Variants in SFRP4 observed in about 807,000 individuals in gnomAD.
SFRP4 encodes the protein secreted frizzled-related protein 4.
In SFRP4, 25 loss-of-function variants were observed where a neutral mutation model predicts 36.3. The ratio of observed to expected loss-of-function variants is 0.69; its 90% CI spans 0.50 to 0.96. The LOEUF is 0.96. Ranked by LOEUF, SFRP4 falls within the 40% of genes least tolerant of loss-of-function variation. The pLI, the probability that SFRP4 is intolerant of heterozygous loss-of-function variation, is 0.00. For synonymous variants in SFRP4, 182 were observed against 168.8 expected (o/e 1.08, Z -0.60); for missense variants, 487 against 459.6 (o/e 1.06, Z -0.54).
intron 3 of SFRP4, among the ~76,000 whole-genome samples, 193 bp downstream of exon 3, chr7:37,914,020 A>T (rs182992198): frequency 2.8e-4 from 43 of 152,370 alleles, no homozygotes; most frequent in Admixed American, 2.6e-3. Flanking sequence ...CACTTGATTC[A>T]TCCAGAAAAG....
At chr7:37,915,407 A>G (rs1785558161) in intron 1 of SFRP4, among the ~76,000 whole-genome samples, 1 of 152,222 alleles carries the variant, frequency 6.6e-6, no homozygotes, top group Admixed American at 6.5e-5. Flanking sequence ...GGCCAGATAA[A>G]GCCTGGATAA....
Position 37,912,262 on chromosome 7 carries a change from C to T in SFRP4, c.648G>A (p.Thr216=), listed in dbSNP as rs550782105. Residue 216 remains threonine (T), a synonymous_variant, in exon 4 of 6, where the codon ACG becomes ACA. Transcript: ENST00000436072. ...TGAAGATCTCTTTTACATCCACCAC[C>T]GTTGTGACCTCATTGCAGCCACTCC... ...VQRSGCNEVT[T]VVDVKEIFKS... 7.4e-6 allele frequency: 12 copies of T among 1,614,122 alleles called. No individual in the cohort carries two copies. Among genetic ancestry groups the T allele is most frequent in the South Asian group, 3.3e-5 (3 of 91,080 alleles).
chr7:37,912,356 T>A (rs1294429924), intron 3 of SFRP4, 39 bp from the exon 4 acceptor site: 1 of 1,565,636 alleles, frequency 6.4e-7, no homozygotes. Flanking sequence ...GTTGAAGGTT[T>A]TGGGGAAAAA....
At chr7:37,913,595 A>G (rs552514397) in intron 3 of SFRP4, among the ~76,000 whole-genome samples, 21 of 152,374 alleles carry the variant, frequency 1.4e-4, no homozygotes, top group Middle Eastern at 6.8e-3. Context: ...TACTTAAAAC[A>G]TTTCAAATTT....
At position 37,916,504 on chromosome 7, in the gene SFRP4, A is replaced by G; in HGVS notation, c.34T>C (p.Trp12Arg). 1 of 1,611,686 alleles carries G rather than the reference A, an allele frequency of 6.2e-7. No homozygotes were observed. Among genetic ancestry groups the G allele is most frequent in the East Asian group, 2.2e-5 (1 of 44,854 alleles). ...CGCACGCCCAGCGCCAGGTGCAGCC[A>G]CAGGCACAGCGCCACTAGGATGGAG... ...FLSILVALCL[W>R]LHLALGVRGA... The change falls in exon 1 of 6, where the codon TGG (tryptophan) becomes CGG (arginine). Residue 12 changes from tryptophan (W) to arginine (R), a missense_variant. Physicochemically the swap from Trp to Arg is moderately radical, Grantham distance 101. Coordinates refer to ENST00000436072, the MANE Select transcript of SFRP4 (RefSeq NM_003014.4). The surrounding 1 kb of genome is among the most constrained non-coding windows in gnomAD (Gnocchi z 4.1).
chr7:37,915,104 T>A (rs1785552396), intron 1 of SFRP4, among the ~76,000 whole-genome samples: 1 of 152,234 alleles, frequency 6.6e-6, no homozygotes, highest in African/African-American at 2.4e-5. Context: ...TTTTCCAAGT[T>A]AACAGTTTAT....
intron 4 of SFRP4, among the ~76,000 whole-genome samples, chr7:37,910,036 G>A (rs909715965): frequency 9.2e-5 from 14 of 151,720 alleles, no homozygotes; most frequent in Non-Finnish European, 1.8e-4. Flanking sequence ...TTCCCCTTTT[G>A]CTTAGCTATG....
At position 37,906,817 on chromosome 7, in the gene SFRP4, T is replaced by C. The variant is rs1785402429; in HGVS notation, c.*662A>G. 6.6e-6 allele frequency: 1 copy of C among 152,242 alleles called. No individual in the cohort carries two copies. The highest frequency in any genetic ancestry group is 6.5e-5 in the Admixed American group (1 of 15,290). The allele number at this position is 152,242 out of a possible 1,614,324, so 9.4% of individuals were successfully genotyped here. A position where few individuals can be genotyped will look rare whatever the true frequency, so the allele number is the denominator to read the frequency against. The stretch of plus-strand genomic sequence containing the variant: ...ACATTGTCTGCCTCTCCTTTTTATT[T>C]ATTTTTCTTTATTATTATTTTTGTT... On this transcript the variant is annotated 3_prime_UTR_variant, in exon 6 of 6. Coordinates refer to ENST00000436072, the MANE Select transcript of SFRP4 (RefSeq NM_003014.4).
chr7:37,907,623 C>T lies in SFRP4; in HGVS notation c.897G>A (p.Gln299=). The change falls in exon 6 of 6, where the codon CAG becomes CAA. Residue 299 remains glutamine, a synonymous_variant. Coordinates refer to ENST00000436072, the MANE Select transcript of SFRP4 (RefSeq NM_003014.4). ...TGCGCCCGGCTGTTTTCTTCTTGTC[C>T]TGAACTGTTCTCCGCTGTTCCTGCA... ...ERLQEQRRTV[Q]DKKKTAGRTS... 2 of 1,613,670 alleles carry T rather than the reference C, an allele frequency of 1.2e-6. No homozygotes were observed. The highest frequency in any genetic ancestry group is 1.7e-6 in the Non-Finnish European group (2 of 1,179,844).
In SFRP4 at chr7:37,914,468, G is replaced by A; in HGVS notation, c.446-15C>T. On this transcript the variant is annotated splice_polypyrimidine_tract_variant and intron_variant, in intron 1 of 5. Coordinates refer to ENST00000436072, the MANE Select transcript of SFRP4 (RefSeq NM_003014.4). ...CCACTTAACATCTGAAACACAAACAGGGCCACATGGGCGTGGTTGGTGATT... is the reference window on the plus strand; with the variant it reads ...CCACTTAACATCTGAAACACAAACAAGGCCACATGGGCGTGGTTGGTGATT... 1 of 1,599,666 alleles carries A rather than the reference G, an allele frequency of 6.3e-7. No individual in the cohort carries two copies. The highest frequency in any genetic ancestry group is 1.7e-4 in the Middle Eastern group (1 of 6,030).
chr7:37,907,141 T>A lies in SFRP4; in HGVS notation c.*338A>T, dbSNP rs1785407964. 1 of 181,302 alleles carries A rather than the reference T, an allele frequency of 5.5e-6. No homozygotes were observed. The highest frequency in any genetic ancestry group is 2.3e-5 in the African/African-American group (1 of 42,654). The allele number at this position is 181,302 out of a possible 1,614,324, so 11.2% of individuals were successfully genotyped here. On this transcript the variant is annotated 3_prime_UTR_variant, in exon 6 of 6. Coordinates refer to ENST00000436072, the MANE Select transcript of SFRP4 (RefSeq NM_003014.4). Reference sequence around the variant, plus strand: ...TTTGTTTGAAATATGGCATTTATTTTACAATGCACATATTAGGTCGAATTG... The same window carrying A: ...TTTGTTTGAAATATGGCATTTATTTAACAATGCACATATTAGGTCGAATTG...
At chr7:37,913,005 C>T (rs780184844) in intron 3 of SFRP4, among the ~76,000 whole-genome samples, 5 of 152,128 alleles carry the variant, frequency 3.3e-5, no homozygotes, top group Non-Finnish European at 7.3e-5. Flanking sequence ...TTTATGAAGA[C>T]ACCAAAGGAC....
Position 37,907,384 on chromosome 7 carries a change from G to T in SFRP4, c.*95C>A, listed in dbSNP as rs1785412159. On this transcript the variant is annotated 3_prime_UTR_variant, in exon 6 of 6. Transcript: ENST00000436072. ...AAGAGCACTGCAGTGAGTTGTTAGG[G>T]CAAGGGGCACATGGCCTTACATAGG... is the stretch of plus-strand genomic sequence containing the variant. 1 of 1,033,970 alleles carries T rather than the reference G, an allele frequency of 9.7e-7. No homozygotes were observed. The highest frequency in any genetic ancestry group is 2.8e-4 in the Middle Eastern group (1 of 3,602). The allele number at this position is 1,033,970 out of a possible 1,614,324, so 64.0% of individuals were successfully genotyped here.
chr7:37,909,249 A>G (rs1215051703), intron 5 of SFRP4, among the ~76,000 whole-genome samples: 1 of 152,168 alleles, frequency 6.6e-6, no homozygotes, highest in East Asian at 1.9e-4. Flanking sequence ...TTAGTACTAG[A>G]TATTTCACCC....
chr7:37,912,572 T>C (rs1785512528), intron 3 of SFRP4, among the ~76,000 whole-genome samples: 1 of 152,218 alleles, frequency 6.6e-6, no homozygotes, highest in Admixed American at 6.5e-5. Flanking sequence ...CAGGTTTTAG[T>C]CTTTCTCTGC....
intron 5 of SFRP4, among the ~76,000 whole-genome samples, chr7:37,909,196 A>C (rs3807191): frequency 0.53 from 79,883 of 151,912 alleles, 21,586 homozygotes; most frequent in Non-Finnish European, 0.6. Context: ...AATTATTATA[A>C]ATACAGGAAA....
At chr7:37,915,756 C>A (rs1348764072) in intron 1 of SFRP4, among the ~76,000 whole-genome samples, 1 of 152,156 alleles carries the variant, frequency 6.6e-6, no homozygotes, top group Non-Finnish European at 1.5e-5. Flanking sequence ...GAGTCAATAA[C>A]GTGTAATGTG....
chr7:37,909,469 T>A (rs1562849252), intron 5 of SFRP4, 148 bp downstream of exon 5: 1 of 464,978 alleles, frequency 2.2e-6, no homozygotes, highest in East Asian at 3.3e-5. Context: ...GCTACACTCT[T>A]AACGGCCTAT....
Position 37,912,882 on chromosome 7 carries a change from T to A in SFRP4, c.593-565A>T, listed in dbSNP as rs766629478. Among the ~76,000 whole-genome samples, 3 of 152,340 alleles carry A rather than the reference T, an allele frequency of 2.0e-5. No individual in the cohort carries two copies. In the South Asian group the frequency reaches 6.2e-4, roughly 32 times the overall value. ...TTACAGATGGCTGTTAATGTCACTG[T>A]CTCTGACCAAGTTTTAAATGCTGGT... On this transcript the variant is annotated intron_variant, in intron 3 of 5. Coordinates refer to ENST00000436072, the MANE Select transcript of SFRP4 (RefSeq NM_003014.4).
Sources: gnomAD v4.1 joint callset for allele counts (sites outside exome capture counted in the v4.1 genomes callset) on GRCh38, gnomAD v4.1.1 for gene constraint, Gnocchi (gnomAD v3.1) non-coding constraint, MANE v1.5 for transcripts, NCBI Gene and HGNC (gene_info 2026-07-23, HGNC 2026-07-21) for gene names.